The following MTERF3 variants were observed in gnomAD, a reference collection of about 807,000 sequenced individuals.
The protein encoded by MTERF3 is mitochondrial transcription termination factor 3, also known as transcription termination factor 3, mitochondrial.
A neutral mutation model predicts 40.5 loss-of-function variants in MTERF3; 40 were observed. The observed-to-expected ratio is 0.99, with a 90% CI of 0.77 to 1.29. MTERF3 has a LOEUF of 1.29. Among genes scored for constraint, MTERF3 ranks in the 50% most tolerant of loss-of-function variants. MTERF3 has a pLI of 0.00. For synonymous variants in MTERF3, 158 were observed against 166.6 expected, an observed-to-expected ratio of 0.95 and a Z score of 0.40; for missense variants, 452 against 478.2, an observed-to-expected ratio of 0.95 and a Z score of 0.51.
At chr8:96,242,850 A>G (rs746983482) in intron 7 of MTERF3, among the ~76,000 whole-genome samples, 20 of 152,178 alleles carry the variant, frequency 1.3e-4, no homozygotes, top group African/African-American at 4.6e-4. Flanking sequence ...TCAGTGCCCA[A>G]TGTGTAGCAC....
chr8:96,243,092 C>T (rs1298549553), intron 7 of MTERF3, among the ~76,000 whole-genome samples: 1 of 152,080 alleles, frequency 6.6e-6, no homozygotes, highest in Non-Finnish European at 1.5e-5. Flanking sequence ...ATAAATATAG[C>T]TGTATGTGAA....
At chr8:96,257,690 A>G (rs1810306038) in intron 2 of MTERF3, among the ~76,000 whole-genome samples, 1 of 152,136 alleles carries the variant, frequency 6.6e-6, no homozygotes, top group Non-Finnish European at 1.5e-5. Context: ...AGCATGGAAG[A>G]CACTTAGAAC....
At chr8:96,250,773 A>G in intron 4 of MTERF3, 133 bp downstream of exon 4, 1 of 674,604 alleles carries the variant, frequency 1.5e-6, no homozygotes, top group South Asian at 2.1e-5. Flanking sequence ...TAGATCAAAG[A>G]AGGTCTATAA....
intron 1 of MTERF3, among the ~76,000 whole-genome samples, chr8:96,259,113 C>T (rs551774068): frequency 1.1e-4 from 16 of 152,096 alleles, no homozygotes; most frequent in Non-Finnish European, 1.9e-4. Flanking sequence ...AGGGTGTTTC[C>T]GCAGCACATT....
In MTERF3 at chr8:96,253,873, T is replaced by C. The variant is rs1470203316; in HGVS notation, c.488-2778A>G. On this transcript the variant is annotated intron_variant, in intron 3 of 7. Coordinates refer to ENST00000287025, the MANE Select transcript of MTERF3 (RefSeq NM_015942.5). ...AAAAAAAAAAAAAAATTAGCCCAGATGGCATGTGCCTATAGTCCCAGCTAC... is the reference window on the plus strand; with the variant it reads ...AAAAAAAAAAAAAAATTAGCCCAGACGGCATGTGCCTATAGTCCCAGCTAC... Among the ~76,000 whole-genome samples the C allele has an allele frequency of 2.7e-5, 4 of 148,916 alleles. No individual in the cohort carries two copies. In the East Asian group the frequency reaches 5.9e-4, roughly 22 times the overall value.
chr8:96,252,372 T>C (rs969259969), intron 3 of MTERF3, among the ~76,000 whole-genome samples: 1 of 152,224 alleles, frequency 6.6e-6, no homozygotes, highest in African/African-American at 2.4e-5. Context: ...AAAATTATCT[T>C]TATATCTTAT....
At position 96,261,494 on chromosome 8, in the gene MTERF3, G is replaced by A. The variant is rs1165587172; in HGVS notation, c.-11+7C>T. The A allele has an allele frequency of 1.3e-5, 2 of 152,578 alleles. No homozygotes were observed. The highest frequency in any genetic ancestry group is 4.8e-5 in the African/African-American group (2 of 41,476). 9.5% of individuals were successfully genotyped at this position (152,578 alleles called of 1,614,324 possible). ...CGATCCTCGTGCTGGGGCAGCTCCT[G>A]CTTTACCTGTGGCGAGGCCTGCTTC... On this transcript the variant is annotated splice_region_variant and intron_variant, in intron 1 of 7. Transcript: ENST00000287025.
At chr8:96,247,840 CT>C (rs2129896075) in intron 4 of MTERF3, among the ~76,000 whole-genome samples, 1 of 152,178 alleles carries the variant, frequency 6.6e-6, no homozygotes, top group East Asian at 1.9e-4. Flanking sequence ...TGCAACATGT[CT>C]CAGAGACAGA....
At chr8:96,250,473 G>A (rs982352856) in intron 4 of MTERF3, among the ~76,000 whole-genome samples, 10 of 139,742 alleles carry the variant, frequency 7.2e-5, no homozygotes, top group African/African-American at 2.5e-4. Context: ...GCACTTTGGA[G>A]GCCAAGATGG....
intron 5 of MTERF3, 108 bp downstream of exon 5, chr8:96,246,199 G>A: frequency 1.8e-6 from 2 of 1,095,636 alleles, no homozygotes; most frequent in South Asian, 3.5e-5. Flanking sequence ...AAAAATACCA[G>A]GAATTTATAT....
chr8:96,246,233 C>T (rs2129887776), intron 5 of MTERF3, 74 bp downstream of exon 5: 3 of 1,394,204 alleles, frequency 2.2e-6, no homozygotes, highest in Non-Finnish European at 2.9e-6. Context: ...CAGGCATCTG[C>T]TGGGAACATG....
intron 5 of MTERF3, 143 bp from the exon 6 acceptor site, chr8:96,246,074 A>G (rs1810015590): frequency 1.2e-6 from 1 of 827,800 alleles, no homozygotes; most frequent in Non-Finnish European, 1.8e-6. Flanking sequence ...GGAATAGATA[A>G]GATTAATACT....
chr8:96,256,848 G>T, intron 3 of MTERF3, 114 bp downstream of exon 3: 1 of 909,564 alleles, frequency 1.1e-6, no homozygotes, highest in Non-Finnish European at 1.5e-6. Flanking sequence ...TATGCTATTA[G>T]ACTTTTGCTT....
intron 2 of MTERF3, chr8:96,257,421 A>AG (rs2129946746): frequency 4.3e-6 from 1 of 230,304 alleles, no homozygotes; most frequent in African/African-American, 2.3e-5. Context: ...ATTTTGAAAC[A>AG]GAGATTGAGT....
intron 7 of MTERF3, among the ~76,000 whole-genome samples, chr8:96,243,119 C>A (rs1809958582): frequency 6.6e-6 from 1 of 152,132 alleles, no homozygotes; most frequent in African/African-American, 2.4e-5. Context: ...GGACCTAATG[C>A]AGTCTAGTTC....
At chr8:96,260,194 C>T (rs554487518) in intron 1 of MTERF3, 1 of 152,330 alleles carries the variant, frequency 6.6e-6, no homozygotes, top group South Asian at 2.1e-4. Context: ...AGCCACTGCG[C>T]TCGGCCCATT....
At chr8:96,253,293 G>A (rs1030406287) in intron 3 of MTERF3, among the ~76,000 whole-genome samples, 2 of 152,172 alleles carry the variant, frequency 1.3e-5, no homozygotes, top group African/African-American at 4.8e-5. Flanking sequence ...ACGGCGCAGA[G>A]GGACTAGAGG....
intron 1 of MTERF3, 98 bp from the exon 2 acceptor site, chr8:96,258,798 T>G (rs574892650): frequency 1.1e-6 from 1 of 947,306 alleles, no homozygotes; most frequent in East Asian, 2.6e-5. Flanking sequence ...CTGGAAATTA[T>G]TTTTTTCTAA....
chr8:96,250,623 G>GAAA, intron 4 of MTERF3, among the ~76,000 whole-genome samples: 1 of 11,112 alleles, frequency 9.0e-5, no homozygotes, highest in Non-Finnish European at 1.7e-4. Context: ...GGCAGAAGAA[G>GAAA]AAGAAGAAGA....
Sources: allele counts gnomAD v4.1 joint callset (sites outside exome capture counted in the v4.1 genomes callset), GRCh38; gene constraint gnomAD v4.1.1; transcripts MANE v1.5; gene names NCBI Gene and HGNC (gene_info 2026-07-23, HGNC 2026-07-21).